PFKFB3: variants seen among roughly 807,000 people sequenced by gnomAD.
PFKFB3 encodes the protein 6-phosphofructo-2-kinase/fructose-2,6-biphosphatase 3, also known as 6-phosphofructo-2-kinase/fructose-2,6-bisphosphatase 3.
In PFKFB3, 33 loss-of-function variants were observed where a neutral mutation model predicts 68.0. The ratio of observed to expected loss-of-function variants is 0.49; its 90% CI spans 0.37 to 0.65. The LOEUF is 0.65. Among genes scored for constraint, PFKFB3 ranks in the 30% least tolerant of loss-of-function variants. PFKFB3 has a pLI of 0.00. For synonymous variants in PFKFB3, 315 were observed against 288.2 expected, an observed-to-expected ratio of 1.09 and a Z score of -0.94; for missense variants, 586 against 712.2, an observed-to-expected ratio of 0.82 and a Z score of 2.02.
rs534905916 is a variant in PFKFB3, at chr10:6,197,141, T to C, written c.17-16482T>C. On this transcript the variant is annotated intron_variant, in intron 1 of 14. Coordinates refer to the PFKFB3 transcript ENST00000379789. ...CTAGGATTATAGGTCCCCGCCACCA[T>C]GCCCAGCTAATTTTTGTACTTTTAG... 5.3e-5 allele frequency among the ~76,000 whole-genome samples: 8 copies of C among 152,212 alleles called. No homozygotes were observed. In the East Asian group the frequency reaches 1.5e-3, roughly 29 times the overall value.
the PFKFB3 span, among the ~76,000 whole-genome samples, chr10:6,318,773 C>T: frequency 6.6e-6 from 1 of 152,194 alleles, no homozygotes; most frequent in Non-Finnish European, 1.5e-5. Context: ...AGGAGGCAAT[C>T]AGTCCTCGGG....
intron 1 of PFKFB3, among the ~76,000 whole-genome samples, chr10:6,179,024 G>A (rs1393208857): frequency 6.6e-6 from 1 of 152,254 alleles, no homozygotes; most frequent in African/African-American, 2.4e-5. Flanking sequence ...CCCTGGTGGA[G>A]TCGTTCTAAA....
chr10:6,191,769 C>T (rs1005009115), intron 1 of PFKFB3, among the ~76,000 whole-genome samples: 1 of 152,192 alleles, frequency 6.6e-6, no homozygotes, highest in Non-Finnish European at 1.5e-5. Flanking sequence ...AAATCAGCAT[C>T]TGGTTTCTGT....
At chr10:6,194,870 C>A (rs1376749439) in intron 1 of PFKFB3, among the ~76,000 whole-genome samples, 1 of 137,196 alleles carries the variant, frequency 7.3e-6, no homozygotes, top group Non-Finnish European at 1.6e-5. Flanking sequence ...TGTTTCTTTT[C>A]TTTTTTCTTT....
chr10:6,199,239 G>C (rs2131843296), upstream of PFKFB3, among the ~76,000 whole-genome samples: 1 of 152,280 alleles, frequency 6.6e-6, no homozygotes, highest in South Asian at 2.1e-4. Context: ...TGGGGCAGCG[G>C]GTAGGTCCTA....
chr10:6,226,275 C>A lies in PFKFB3; in HGVS notation c.1425C>A (p.Arg475=), dbSNP rs756107683. The change falls in exon 14 of 15, where the codon CGC becomes CGA. Residue 475 remains arginine, a synonymous_variant. Coordinates refer to ENST00000379775, the MANE Select transcript of PFKFB3 (RefSeq NM_004566.4). Reference sequence around the variant, plus strand: ...GCCCCGAACCCACCAAAAAGCCTCGCATCAACAGCTTTGAGGAGCATGTGG... The same window carrying A: ...GCCCCGAACCCACCAAAAAGCCTCGAATCAACAGCTTTGAGGAGCATGTGG... The part of the protein sequence containing the change: ...LASPEPTKKP[R]INSFEEHVAS... The A allele has an allele frequency of 1.1e-5, 17 of 1,614,186 alleles. No homozygotes were observed. Among genetic ancestry groups the A allele is most frequent in the Non-Finnish European group, 1.2e-5 (14 of 1,180,000 alleles).
the PFKFB3 span, among the ~76,000 whole-genome samples, chr10:6,278,641 T>C: frequency 6.6e-6 from 1 of 152,172 alleles, no homozygotes; most frequent in Non-Finnish European, 1.5e-5. Context: ...TTTGAGGTTA[T>C]TTGGAATAAA....
At chr10:6,195,823 G>GT in intron 1 of PFKFB3, among the ~76,000 whole-genome samples, 1 of 152,218 alleles carries the variant, frequency 6.6e-6, no homozygotes, top group South Asian at 2.1e-4. Context: ...TGATACGTGA[G>GT]TTTCTCAGTC....
At chr10:6,246,167 T>C (rs1372794341) in intron 14 of PFKFB3, among the ~76,000 whole-genome samples, 6 of 152,188 alleles carry the variant, frequency 3.9e-5, no homozygotes. Flanking sequence ...GAATTTGCCA[T>C]GTGACTTGCA....
chr10:6,315,876 G>A, the PFKFB3 span, among the ~76,000 whole-genome samples: 1 of 152,174 alleles, frequency 6.6e-6, no homozygotes, highest in Admixed American at 6.5e-5. Flanking sequence ...ATACCATGTG[G>A]CTCATAATGT....
chr10:6,198,359 T>C (rs1397964091), upstream of PFKFB3, among the ~76,000 whole-genome samples: 1 of 152,186 alleles, frequency 6.6e-6, no homozygotes, highest in Non-Finnish European at 1.5e-5. Context: ...TTGCCGGGAC[T>C]TAAGTTGAGC....
At chr10:6,261,880 A>C in the PFKFB3 span, among the ~76,000 whole-genome samples, 1 of 152,116 alleles carries the variant, frequency 6.6e-6, no homozygotes, top group Non-Finnish European at 1.5e-5. Flanking sequence ...CGGTAGTCCC[A>C]GCTATACTCA....
At chr10:6,269,023 CAAAAAA>C in the PFKFB3 span, among the ~76,000 whole-genome samples, 4 of 93,204 alleles carry the variant, frequency 4.3e-5, no homozygotes, top group Non-Finnish European at 4.2e-5. Context: ...GATCCTGTCT[CAAAAAA>C]AAAAAAAAAA....
At chr10:6,276,081 G>A in the PFKFB3 span, among the ~76,000 whole-genome samples, 1 of 152,130 alleles carries the variant, frequency 6.6e-6, no homozygotes, top group Non-Finnish European at 1.5e-5. Context: ...GGAATGAGAG[G>A]ATTTTTGGTA....
rs2132031201 is a variant in PFKFB3 at position 6,228,739 on chromosome 10, A to T, written c.1515+2374A>T. Among the ~76,000 whole-genome samples the T allele has an allele frequency of 6.6e-6, 1 of 152,006 alleles. No homozygotes were observed. The highest frequency in any genetic ancestry group is 2.4e-5 in the African/African-American group (1 of 41,434). ...TCTGAGCCTCTCCCTCCCCATGAGG[A>T]CCCCCCACACCCCAAAAGAGCTCCG... is the stretch of plus-strand genomic sequence containing the variant. On this transcript the variant is annotated intron_variant, in intron 14 of 14. Coordinates refer to ENST00000379775, the MANE Select transcript of PFKFB3 (RefSeq NM_004566.4). This position sits in a 1 kb window ranked among gnomAD's most constrained non-coding sequence, Gnocchi z 4.5.
intron 13 of PFKFB3, chr10:6,225,048 T>C (rs117334229): frequency 0.016 from 7,195 of 449,832 alleles, 298 homozygotes; most frequent in East Asian, 0.085. Flanking sequence ...CTGTCTACCT[T>C]GGGGGGAGGC....
the PFKFB3 span, among the ~76,000 whole-genome samples, chr10:6,313,615 G>A: frequency 6.6e-6 from 1 of 152,110 alleles, no homozygotes; most frequent in African/African-American, 2.4e-5. This position sits in a 1 kb window ranked among gnomAD's most constrained non-coding sequence, Gnocchi z 4.2. Flanking sequence ...TTGTGCATTA[G>A]TTTATCCTTG....
At chr10:6,207,087 G>A (rs1303088551) in intron 1 of PFKFB3, among the ~76,000 whole-genome samples, 6 of 152,126 alleles carry the variant, frequency 3.9e-5, no homozygotes, top group African/African-American at 9.7e-5. Flanking sequence ...CAAGGCAGGC[G>A]GCTGGGAGGT....
rs1588487215 is a variant in PFKFB3 at position 6,210,625 on chromosome 10, G to GTCTTGATCTCCTGACC, written c.77-2991_77-2990insCTCCTGACCTCTTGAT. On this transcript the variant is annotated intron_variant, in intron 1 of 14. Transcript: ENST00000379775. Reference sequence around the variant, plus strand: ...GGGTTTCGCCATGTTAGCCAGGATAGTCTTGATAGTGTTTTTAATAGACGG... The same window carrying GTCTTGATCTCCTGACC: ...GGGTTTCGCCATGTTAGCCAGGATAGTCTTGATCTCCTGACCTCTTGATAGTGTTTTTAATAGACGG... Among the ~76,000 whole-genome samples, 3 of 6,350 alleles carry GTCTTGATCTCCTGACC rather than the reference G, an allele frequency of 4.7e-4. 1 individual carries two copies. The highest frequency in any genetic ancestry group is 3.2e-3 in the East Asian group (2 of 624). 4.2% of individuals were successfully genotyped at this position (6,350 alleles called of 152,430 possible). A position where few individuals can be genotyped will look rare whatever the true frequency, so the allele number is the denominator to read the frequency against.
Sources: gnomAD v4.1 joint callset for allele counts (sites outside exome capture counted in the v4.1 genomes callset) on GRCh38, gnomAD v4.1.1 for gene constraint, Gnocchi (gnomAD v3.1) non-coding constraint, MANE v1.5 for transcripts, NCBI Gene and HGNC (gene_info 2026-07-23, HGNC 2026-07-21) for gene names.